The following PPP2R2B variants were observed in gnomAD, a reference collection of about 807,000 sequenced individuals.
PPP2R2B encodes serine/threonine-protein phosphatase 2A 55 kDa regulatory subunit B beta isoform.
A neutral mutation model predicts 46.0 loss-of-function variants in PPP2R2B; 5 were observed. The ratio of observed to expected loss-of-function variants is 0.11; its 90% CI spans 0.06 to 0.23. The LOEUF is 0.23. PPP2R2B is among the 10% of genes least tolerant of loss of function. PPP2R2B has a pLI of 1.00. For synonymous variants in PPP2R2B, 215 were observed against 206.7 expected (o/e 1.04, Z -0.34); for missense variants, 367 against 575.0 (o/e 0.64, Z 3.70).
chr5:146,867,038 A>T (rs1761352256), intron 2 of PPP2R2B, among the ~76,000 whole-genome samples: 1 of 152,218 alleles, frequency 6.6e-6, no homozygotes, highest in African/African-American at 2.4e-5. Context: ...TGCAAGTTAT[A>T]CTTGTTAGTT....
chr5:146,861,853 ATTGTTTT>A (rs1761023185), intron 2 of PPP2R2B, among the ~76,000 whole-genome samples: 1 of 144,742 alleles, frequency 6.9e-6, no homozygotes. Context: ...AAAATACAGC[ATTGTTTT>A]TTTTTTTTTT....
At chr5:146,601,078 A>C (rs1203868851) in intron 7 of PPP2R2B, among the ~76,000 whole-genome samples, 1 of 152,144 alleles carries the variant, frequency 6.6e-6, no homozygotes, top group Admixed American at 6.5e-5. Flanking sequence ...ACTTGGCATA[A>C]AATTTTCAAG....
intron 2 of PPP2R2B, among the ~76,000 whole-genome samples, chr5:146,873,242 A>G (rs1047784913): frequency 2.0e-5 from 3 of 152,174 alleles, no homozygotes; most frequent in Non-Finnish European, 4.4e-5. Context: ...TCTATTACGT[A>G]TCTTAAATCC....
chr5:146,829,118 A>G (rs1835951), intron 2 of PPP2R2B, among the ~76,000 whole-genome samples: 75,279 of 151,988 alleles, frequency 0.5, 19,409 homozygotes, highest in Non-Finnish European at 0.58. Flanking sequence ...CTTTATTCTA[A>G]TAAGAGTAAG....
intron 1 of PPP2R2B, among the ~76,000 whole-genome samples, chr5:146,978,179 A>G (rs1582535761): frequency 6.6e-6 from 1 of 152,058 alleles, no homozygotes; most frequent in African/African-American, 2.4e-5. Context: ...GTCTTCTTTT[A>G]AGAAGTGTCT....
chr5:146,851,457 T>C (rs747418164), intron 2 of PPP2R2B, among the ~76,000 whole-genome samples: 1 of 152,102 alleles, frequency 6.6e-6, no homozygotes, highest in Non-Finnish European at 1.5e-5. Context: ...AGAGATCCTG[T>C]TCCATGTGAG....
intron 1 of PPP2R2B, among the ~76,000 whole-genome samples, chr5:146,998,858 G>A (rs560643362): frequency 1.3e-5 from 2 of 151,398 alleles, no homozygotes; most frequent in Non-Finnish European, 2.9e-5. Flanking sequence ...CCACTGATTC[G>A]GTGTTTAAAA....
intron 2 of PPP2R2B, among the ~76,000 whole-genome samples, chr5:146,759,661 AG>A (rs1242593243): frequency 6.6e-6 from 1 of 152,116 alleles, no homozygotes; most frequent in Non-Finnish European, 1.5e-5. Context: ...CATCCTCTGC[AG>A]GTATCTTCAT....
chr5:146,814,191 T>TA (rs538306555), intron 2 of PPP2R2B, among the ~76,000 whole-genome samples: 5,596 of 124,378 alleles, frequency 0.045, 116 homozygotes, highest in South Asian at 0.055. Context: ...AGAAAACAGC[T>TA]AAAAAAAAAA....
intron 1 of PPP2R2B, among the ~76,000 whole-genome samples, chr5:146,907,184 T>G (rs471172): frequency 0.65 from 98,496 of 150,512 alleles, 34,538 homozygotes; most frequent in East Asian, 1. Flanking sequence ...AAAACGATTG[T>G]ATAAGCATGA....
At chr5:146,998,463 A>T (rs1319940885) in intron 1 of PPP2R2B, among the ~76,000 whole-genome samples, 1 of 152,182 alleles carries the variant, frequency 6.6e-6, no homozygotes, top group African/African-American at 2.4e-5. Context: ...CTGTTTGGGC[A>T]GATGCAACTA....
At chr5:146,627,209 C>T (rs1255186986) in intron 7 of PPP2R2B, among the ~76,000 whole-genome samples, 1 of 152,136 alleles carries the variant, frequency 6.6e-6, no homozygotes, top group African/African-American at 2.4e-5. Context: ...TAATAAAGGA[C>T]CTTGTCTTTT....
At chr5:146,917,137 C>A (rs1039085413) in intron 1 of PPP2R2B, among the ~76,000 whole-genome samples, 2 of 152,126 alleles carry the variant, frequency 1.3e-5, no homozygotes, top group Admixed American at 6.5e-5. Context: ...ACAATCTCTT[C>A]CTTTGAGTCT....
chr5:146,825,761 A>G (rs1490487967), intron 2 of PPP2R2B, among the ~76,000 whole-genome samples: 1 of 152,228 alleles, frequency 6.6e-6, no homozygotes, highest in Non-Finnish European at 1.5e-5. Flanking sequence ...ATGCAGTGCT[A>G]TATTTTAAAG....
intron 7 of PPP2R2B, among the ~76,000 whole-genome samples, chr5:146,601,911 T>TA (rs1258582171): frequency 1.3e-5 from 2 of 152,178 alleles, no homozygotes; most frequent in African/African-American, 4.8e-5. Flanking sequence ...GATTTCCACT[T>TA]ACAGGAAAAA....
At chr5:146,797,296 A>G (rs185850564) in intron 2 of PPP2R2B, among the ~76,000 whole-genome samples, 5 of 152,276 alleles carry the variant, frequency 3.3e-5, no homozygotes, top group Admixed American at 2.6e-4. Flanking sequence ...CCATGCCACT[A>G]TTGCTAATTT....
intron 5 of PPP2R2B, among the ~76,000 whole-genome samples, chr5:146,651,587 A>G (rs772871836): frequency 9.2e-5 from 14 of 152,302 alleles, no homozygotes; most frequent in Middle Eastern, 3.4e-3. Flanking sequence ...ACTGGCTACA[A>G]AGAAAGAGAA....
At chr5:146,880,099 A>G (rs1015094071), upstream of PPP2R2B, among the ~76,000 whole-genome samples, 4 of 152,194 alleles carry the variant, frequency 2.6e-5, no homozygotes, top group Admixed American at 2.6e-4. Context: ...GTAGATAGAA[A>G]ATGACATCTT....
At chr5:146,856,026 A>G (rs1477680029) in intron 2 of PPP2R2B, among the ~76,000 whole-genome samples, 1 of 152,150 alleles carries the variant, frequency 6.6e-6, no homozygotes, top group East Asian at 1.9e-4. Context: ...ATTCTTCGTT[A>G]TATTCAAAGT....
Sources: gnomAD v4.1 joint callset for allele counts (sites outside exome capture counted in the v4.1 genomes callset) on GRCh38, gnomAD v4.1.1 for gene constraint, MANE v1.5 for transcripts, NCBI Gene and HGNC (gene_info 2026-07-23, HGNC 2026-07-21) for gene names.